The following CNTNAP2 variants were observed in gnomAD, a reference collection of about 807,000 sequenced individuals.
CNTNAP2 encodes the protein contactin-associated protein-like 2.
Under a neutral mutation model 155.2 loss-of-function variants are expected in CNTNAP2, and 98 were observed. The observed-to-expected ratio is 0.63, with a 90% CI of 0.54 to 0.75. The LOEUF (loss-of-function observed/expected upper bound fraction) is 0.75, where lower values mean the gene tolerates loss of function less well. Among genes scored for constraint, CNTNAP2 ranks in the 30% least tolerant of loss-of-function variants. The probability of loss-of-function intolerance (pLI) is 0.00; values close to 1 mark genes in which losing one functional copy is unlikely to be tolerated. For synonymous variants in CNTNAP2, 651 were observed against 631.2 expected, an observed-to-expected ratio of 1.03 and a Z score of -0.47; for missense variants, 1,727 against 1,688.1, an observed-to-expected ratio of 1.02 and a Z score of -0.40.
At chr7:147,712,992 T>G (rs1033587919) in intron 13 of CNTNAP2, among the ~76,000 whole-genome samples, 1 of 152,300 alleles carries the variant, frequency 6.6e-6, no homozygotes. Context: ...CATTAGTCAG[T>G]GATTTCTTTA....
At chr7:147,442,200 G>T (rs972921398) in intron 10 of CNTNAP2, among the ~76,000 whole-genome samples, 3 of 152,152 alleles carry the variant, frequency 2.0e-5, no homozygotes, top group Non-Finnish European at 4.4e-5. Flanking sequence ...TCCTGCAGCT[G>T]AGCTGGCACT....
At chr7:147,770,644 G>A (rs1027356100) in intron 13 of CNTNAP2, among the ~76,000 whole-genome samples, 10 of 152,078 alleles carry the variant, frequency 6.6e-5, no homozygotes, top group Admixed American at 5.9e-4. Context: ...AAGTAATTCT[G>A]CATAATCTAA....
intron 1 of CNTNAP2, among the ~76,000 whole-genome samples, chr7:146,308,075 C>A (rs1211227673): frequency 7.2e-6 from 1 of 138,732 alleles, no homozygotes; most frequent in African/African-American, 2.8e-5. Context: ...TACAATCTAC[C>A]CATCTGACAA....
At chr7:147,440,299 T>C (rs1797615956) in intron 10 of CNTNAP2, among the ~76,000 whole-genome samples, 1 of 152,108 alleles carries the variant, frequency 6.6e-6, no homozygotes, top group Non-Finnish European at 1.5e-5. Flanking sequence ...TATTTTAAGC[T>C]GATAACAACT....
chr7:147,962,581 T>C (rs1191293447), intron 14 of CNTNAP2, among the ~76,000 whole-genome samples: 1 of 152,186 alleles, frequency 6.6e-6, no homozygotes, highest in Non-Finnish European at 1.5e-5. Context: ...TGTTGGACAG[T>C]AAAGGGAAGT....
intron 13 of CNTNAP2, among the ~76,000 whole-genome samples, chr7:147,753,718 G>A (rs1248291687): frequency 6.6e-6 from 1 of 152,134 alleles, no homozygotes; most frequent in Non-Finnish European, 1.5e-5. Context: ...AAGAGATGAA[G>A]GTCGCACAAT....
intron 22 of CNTNAP2, among the ~76,000 whole-genome samples, chr7:148,384,537 C>G (rs1159793160): frequency 6.6e-6 from 1 of 152,172 alleles, no homozygotes; most frequent in Non-Finnish European, 1.5e-5. Context: ...AGACTTAGGT[C>G]GTACTCCTAG....
At chr7:148,179,561 G>A (rs1303811608) in intron 18 of CNTNAP2, among the ~76,000 whole-genome samples, 2 of 147,366 alleles carry the variant, frequency 1.4e-5, no homozygotes, top group Non-Finnish European at 1.5e-5. Flanking sequence ...GAGAGGGAGA[G>A]AGAGGGAGAG....
At chr7:147,315,812 T>A (rs554745983) in intron 9 of CNTNAP2, among the ~76,000 whole-genome samples, 27 of 152,204 alleles carry the variant, frequency 1.8e-4, no homozygotes, top group Admixed American at 8.5e-4. Context: ...TTGAATTGCT[T>A]AAAAAATTAT....
At chr7:146,820,701 G>A (rs1803263267) in intron 2 of CNTNAP2, among the ~76,000 whole-genome samples, 1 of 152,162 alleles carries the variant, frequency 6.6e-6, no homozygotes, top group Non-Finnish European at 1.5e-5. Context: ...GCAGAGCTGA[G>A]TTCAATTCCT....
At chr7:147,593,025 A>G (rs1373379792) in intron 12 of CNTNAP2, among the ~76,000 whole-genome samples, 1 of 152,214 alleles carries the variant, frequency 6.6e-6, no homozygotes, top group Non-Finnish European at 1.5e-5. Context: ...TTTCCATTAA[A>G]ATTACATCAC....
chr7:146,626,363 G>C (rs1041613253), intron 1 of CNTNAP2, among the ~76,000 whole-genome samples: 1 of 152,026 alleles, frequency 6.6e-6, no homozygotes, highest in African/African-American at 2.4e-5. Flanking sequence ...CTATCATTCT[G>C]TTCTGAGAGG....
chr7:148,290,485 G>A (rs1311103051), intron 21 of CNTNAP2, among the ~76,000 whole-genome samples: 1 of 152,152 alleles, frequency 6.6e-6, no homozygotes, highest in Non-Finnish European at 1.5e-5. Context: ...CCTTTGTTTT[G>A]ATTCTCATTG....
At chr7:147,369,004 T>C (rs1796293212) in intron 9 of CNTNAP2, among the ~76,000 whole-genome samples, 1 of 152,188 alleles carries the variant, frequency 6.6e-6, no homozygotes, top group Non-Finnish European at 1.5e-5. Flanking sequence ...GGAGGGATGC[T>C]TTGCTGAAAT....
At chr7:147,861,589 AT>A (rs1361581226) in intron 13 of CNTNAP2, among the ~76,000 whole-genome samples, 3 of 152,190 alleles carry the variant, frequency 2.0e-5, no homozygotes, top group African/African-American at 7.2e-5. Context: ...AGAGAAAAGA[AT>A]TTAAAACAGC....
At chr7:147,842,618 T>G (rs1475485108) in intron 13 of CNTNAP2, among the ~76,000 whole-genome samples, 1 of 129,722 alleles carries the variant, frequency 7.7e-6, no homozygotes, top group East Asian at 2.2e-4. Context: ...ATACTCTAAG[T>G]TTTAGGGTAC....
intron 2 of CNTNAP2, among the ~76,000 whole-genome samples, chr7:146,837,576 C>T (rs1054320104): frequency 6.6e-6 from 1 of 152,072 alleles, no homozygotes; most frequent in African/African-American, 2.4e-5. Context: ...CTCTCTGGTT[C>T]TAAGACATAT....
At chr7:147,839,090 C>A (rs1798680121) in intron 13 of CNTNAP2, among the ~76,000 whole-genome samples, 1 of 152,142 alleles carries the variant, frequency 6.6e-6, no homozygotes, top group Non-Finnish European at 1.5e-5. Context: ...AAGTAGCCAG[C>A]ACAAGAGAAA....
At position 147,173,894 on chromosome 7, in the gene CNTNAP2, A is replaced by T. The variant is rs556880850; in HGVS notation, c.1348+41385A>T. 3.9e-5 allele frequency among the ~76,000 whole-genome samples: 6 copies of T among 152,266 alleles called. No individual in the cohort carries two copies. The East Asian group carries it at 1.2e-3, about 29-fold the overall frequency. On this transcript the variant is annotated intron_variant, in intron 8 of 23. Coordinates refer to ENST00000361727, the MANE Select transcript of CNTNAP2 (RefSeq NM_014141.6). ...AACTCTGTCACAGAATTGGGGAGTG[A>T]GTATACATGGAGAAAATTTGTTTTG...
Sources: allele counts gnomAD v4.1 joint callset (sites outside exome capture counted in the v4.1 genomes callset), GRCh38; gene constraint gnomAD v4.1.1; transcripts MANE v1.5; gene names NCBI Gene and HGNC (gene_info 2026-07-23, HGNC 2026-07-21).